Variants in ADGRL3 observed in about 807,000 individuals in gnomAD.
The protein encoded by ADGRL3 is adhesion G protein-coupled receptor L3.
A neutral mutation model predicts 153.5 loss-of-function variants in ADGRL3; 62 were observed. The observed-to-expected ratio is 0.40, with a 90% CI of 0.33 to 0.50. ADGRL3 has a LOEUF of 0.50. Ranked by LOEUF, ADGRL3 falls within the 20% of genes least tolerant of loss-of-function variation. The pLI is 0.47. For missense variants in ADGRL3, 1,641 were observed against 1,859.4 expected (o/e 0.88, Z 2.16); for synonymous variants, 710 against 672.5 (o/e 1.06, Z -0.86).
intron 2 of ADGRL3, among the ~76,000 whole-genome samples, chr4:61,421,866 G>T (rs1399968157): frequency 2.6e-5 from 4 of 152,040 alleles, no homozygotes; most frequent in Non-Finnish European, 5.9e-5. Context: ...CACAACATTT[G>T]TAAATAAATA....
intron 1 of ADGRL3, among the ~76,000 whole-genome samples, chr4:61,377,471 T>C (rs556844713): frequency 1.2e-3 from 179 of 152,144 alleles, no homozygotes; most frequent in Non-Finnish European, 1.5e-3. Context: ...ATGTCCTTTA[T>C]GGATCTGTTG....
chr4:62,009,498 T>C (rs2099174253), intron 21 of ADGRL3, among the ~76,000 whole-genome samples: 3 of 152,154 alleles, frequency 2.0e-5, no homozygotes, highest in African/African-American at 7.2e-5. Context: ...CTCATTGTTA[T>C]TTGTCAGAAA....
intron 4 of ADGRL3, among the ~76,000 whole-genome samples, chr4:61,547,346 G>A (rs2098718517): frequency 6.6e-6 from 1 of 151,240 alleles, no homozygotes; most frequent in Non-Finnish European, 1.5e-5. Context: ...AGAGGAATTT[G>A]GTACACAGAT....
intron 17 of ADGRL3, among the ~76,000 whole-genome samples, chr4:61,953,084 A>G (rs2098953590): frequency 6.6e-6 from 1 of 152,218 alleles, no homozygotes; most frequent in South Asian, 2.1e-4. Flanking sequence ...AAACAAGGAG[A>G]CTGATCATCT....
chr4:61,832,458 A>G (rs1476478848), intron 9 of ADGRL3, among the ~76,000 whole-genome samples: 1 of 152,158 alleles, frequency 6.6e-6, no homozygotes, highest in Non-Finnish European at 1.5e-5. Context: ...CATTTCTTTT[A>G]GAAAGAAGCT....
chr4:61,746,100 G>T lies in ADGRL3; in HGVS notation c.1399+12546G>T, dbSNP rs139262473. 9.8e-3 allele frequency among the ~76,000 whole-genome samples: 1,493 copies of T among 152,176 alleles called. 13 individuals are homozygous for T. Among genetic ancestry groups the T allele is most frequent in the Middle Eastern group, 0.037 (11 of 294 alleles). On this transcript the variant is annotated intron_variant, in intron 8 of 26. Transcript: ENST00000683033. ...AGACTTTAAACCAACAAAGATCAAAGAGACAAAGAAGGCCATTAAATAATA... is the reference window on the plus strand; with the variant it reads ...AGACTTTAAACCAACAAAGATCAAATAGACAAAGAAGGCCATTAAATAATA...
chr4:61,335,048 G>A (rs1578316382), intron 1 of ADGRL3, among the ~76,000 whole-genome samples: 1 of 152,070 alleles, frequency 6.6e-6, no homozygotes. Flanking sequence ...TGAATTGTTT[G>A]TATCAATAAA....
intron 2 of ADGRL3, among the ~76,000 whole-genome samples, chr4:61,395,121 T>G (rs1045856848): frequency 2.6e-4 from 39 of 152,024 alleles, no homozygotes; most frequent in African/African-American, 9.4e-4. Flanking sequence ...ATATGCTGAA[T>G]TAATAGTATT....
At chr4:61,909,915 A>T (rs1447538779) in intron 12 of ADGRL3, among the ~76,000 whole-genome samples, 170 bp downstream of exon 12, 2 of 152,148 alleles carry the variant, frequency 1.3e-5, no homozygotes, top group East Asian at 3.8e-4. Flanking sequence ...TTGTTATTAT[A>T]ATAATAGAAC....
rs920693565 is a variant in ADGRL3, at chr4:61,366,502, G to A, written c.-239-16622G>A. 5.3e-5 allele frequency among the ~76,000 whole-genome samples: 8 copies of A among 151,990 alleles called. No individual in the cohort carries two copies. In the South Asian group the frequency reaches 6.2e-4, roughly 12 times the overall value. Reference sequence around the variant, plus strand: ...TAAATAGCATCTAAGCAAATAAAGCGGATTTGGACCAAATCCATTTTGCCT... The same window carrying A: ...TAAATAGCATCTAAGCAAATAAAGCAGATTTGGACCAAATCCATTTTGCCT... On this transcript the variant is annotated intron_variant, in intron 1 of 26. Coordinates refer to ENST00000683033, the MANE Select transcript of ADGRL3 (RefSeq NM_001387552.1).
intron 2 of ADGRL3, among the ~76,000 whole-genome samples, chr4:61,403,585 A>C (rs2096956963): frequency 6.6e-6 from 1 of 152,028 alleles, no homozygotes; most frequent in South Asian, 2.1e-4. Context: ...GTATGCTTTT[A>C]TAATAAACTG....
chr4:61,846,115 C>T (rs1004108979), intron 9 of ADGRL3, among the ~76,000 whole-genome samples: 1 of 151,960 alleles, frequency 6.6e-6, no homozygotes, highest in Non-Finnish European at 1.5e-5. Context: ...AGGAGGTCAA[C>T]ACCAGCCTGG....
chr4:61,763,844 C>G (rs1421233544), intron 8 of ADGRL3, among the ~76,000 whole-genome samples: 1 of 152,028 alleles, frequency 6.6e-6, no homozygotes, highest in African/African-American at 2.4e-5. Flanking sequence ...TAATACCAAA[C>G]AAAGCTAACC....
intron 4 of ADGRL3, among the ~76,000 whole-genome samples, chr4:61,553,090 A>G (rs1364040737): frequency 6.6e-6 from 1 of 152,190 alleles, no homozygotes; most frequent in African/African-American, 2.4e-5. Context: ...AGTTGCCTCC[A>G]GTCACTTTTA....
At chr4:61,591,518 T>C (rs1230319806) in intron 5 of ADGRL3, among the ~76,000 whole-genome samples, 1 of 152,120 alleles carries the variant, frequency 6.6e-6, no homozygotes, top group Non-Finnish European at 1.5e-5. Context: ...AATGGGCTTT[T>C]CAGTGGGTAC....
At chr4:61,691,607 A>C (rs2095540847) in intron 6 of ADGRL3, among the ~76,000 whole-genome samples, 1 of 152,192 alleles carries the variant, frequency 6.6e-6, no homozygotes, top group African/African-American at 2.4e-5. Context: ...AACAGTTTCC[A>C]GCACACAAGT....
chr4:61,956,737 T>G (rs899817153), intron 17 of ADGRL3, among the ~76,000 whole-genome samples: 1 of 152,198 alleles, frequency 6.6e-6, no homozygotes, highest in Admixed American at 6.6e-5. Flanking sequence ...AGGGATCCAG[T>G]CTCAGTTTTC....
At chr4:61,277,227 A>C (rs2093505606) in intron 1 of ADGRL3, among the ~76,000 whole-genome samples, 1 of 152,096 alleles carries the variant, frequency 6.6e-6, no homozygotes, top group East Asian at 1.9e-4. Context: ...CTTGAGCCTC[A>C]AGTTCTACAT....
intron 21 of ADGRL3, among the ~76,000 whole-genome samples, chr4:62,009,668 T>G (rs865910187): frequency 2.0e-5 from 3 of 152,124 alleles, no homozygotes; most frequent in African/African-American, 7.2e-5. Context: ...TACATGCCAT[T>G]TTTTCACACA....
Sources: allele counts gnomAD v4.1 joint callset (sites outside exome capture counted in the v4.1 genomes callset), GRCh38; gene constraint gnomAD v4.1.1; transcripts MANE v1.5; gene names NCBI Gene and HGNC (gene_info 2026-07-23, HGNC 2026-07-21).